The following RERE variants were observed in gnomAD, a reference collection of about 807,000 sequenced individuals.
RERE encodes arginine-glutamic acid dipeptide repeats.
A neutral mutation model predicts 146.1 loss-of-function variants in RERE; 40 were observed. The observed-to-expected ratio is 0.27, with a 90% CI of 0.21 to 0.36. RERE has a LOEUF of 0.36. Among genes scored for constraint, RERE ranks in the 10% least tolerant of loss-of-function variants. The pLI is 1.00. For missense variants in RERE, 1,933 were observed against 2,138.7 expected (o/e 0.90, Z 1.90); for synonymous variants, 1,003 against 866.0 (o/e 1.16, Z -2.78).
At position 8,497,388 on chromosome 1, in the gene RERE, G is replaced by A. The variant is rs1438988727; in HGVS notation, c.1004+17C>T. The A allele has an allele frequency of 1.2e-6, 2 of 1,613,930 alleles. No individual in the cohort carries two copies. The highest frequency in any genetic ancestry group is 1.1e-5 in the South Asian group (1 of 91,052). ...TGGTCTAATTCAGAAAGCAGGATGGGGGTAGATTCCTATTACCTTGCTGCC... is the reference window on the plus strand; with the variant it reads ...TGGTCTAATTCAGAAAGCAGGATGGAGGTAGATTCCTATTACCTTGCTGCC... On this transcript the variant is annotated intron_variant, in intron 9 of 22. Coordinates refer to ENST00000400908, the MANE Select transcript of RERE (RefSeq NM_001042681.2).
intron 1 of RERE, among the ~76,000 whole-genome samples, chr1:8,700,162 A>C (rs1639416895): frequency 6.6e-6 from 1 of 152,048 alleles, no homozygotes; most frequent in African/African-American, 2.4e-5. Context: ...AAAATTAGCC[A>C]GGCGTGGTGG....
intron 4 of RERE, among the ~76,000 whole-genome samples, chr1:8,570,588 C>T (rs561331365): frequency 3.0e-4 from 46 of 152,280 alleles, no homozygotes; most frequent in African/African-American, 9.6e-4. Flanking sequence ...CTATATCACA[C>T]ATCATTTAGC....
chr1:8,576,858 T>G (rs1173881562), intron 4 of RERE, among the ~76,000 whole-genome samples: 1 of 152,200 alleles, frequency 6.6e-6, no homozygotes, highest in Non-Finnish European at 1.5e-5. Context: ...TCTCCAGCAC[T>G]TATTGAAATT....
chr1:8,576,795 T>C (rs953139729), intron 4 of RERE, among the ~76,000 whole-genome samples: 2 of 152,220 alleles, frequency 1.3e-5, no homozygotes, highest in Middle Eastern at 3.2e-3. Context: ...AATTGTGTTA[T>C]AGAAAGAGTA....
chr1:8,589,271 C>A (rs1316259162), intron 4 of RERE, among the ~76,000 whole-genome samples: 1 of 152,072 alleles, frequency 6.6e-6, no homozygotes, highest in East Asian at 1.9e-4. Flanking sequence ...GAAACCTGGT[C>A]TCTACTAAAA....
Position 8,708,725 on chromosome 1 carries a change from C to T in RERE, c.-144-52284G>A, listed in dbSNP as rs141957033. ...ATGTGACTTGCTCTTCTTTGCCTTC[C>T]GCCTCCCCAGCCACGTGGAACTGTG... On this transcript the variant is annotated intron_variant, in intron 1 of 22. Transcript: ENST00000400908. Among the ~76,000 whole-genome samples the T allele has an allele frequency of 4.7e-3, 716 of 152,180 alleles. 7 individuals carry two copies. Among genetic ancestry groups the T allele is most frequent in the African/African-American group, 0.016 (682 of 41,512 alleles).
chr1:8,672,966 G>C (rs1347207494), intron 1 of RERE, among the ~76,000 whole-genome samples: 3 of 152,154 alleles, frequency 2.0e-5, no homozygotes, highest in African/African-American at 7.2e-5. Flanking sequence ...GCAGTAATTA[G>C]AATCGGAGGA....
chr1:8,630,095 A>G (rs1011331045), intron 2 of RERE, among the ~76,000 whole-genome samples: 1 of 152,210 alleles, frequency 6.6e-6, no homozygotes, highest in South Asian at 2.1e-4. Context: ...AATATTGCAG[A>G]ATAAAAAATC....
chr1:8,786,876 CT>C, intron 1 of RERE: 2 of 983,698 alleles, frequency 2.0e-6, no homozygotes, highest in South Asian at 1.3e-5. Flanking sequence ...AATTCCTTTG[CT>C]TTTTCTTAAG....
chr1:8,590,614 C>A (rs78097457), intron 4 of RERE, among the ~76,000 whole-genome samples: 3,156 of 152,278 alleles, frequency 0.021, 105 homozygotes, highest in African/African-American at 0.073. Flanking sequence ...ATTCTGGTAC[C>A]TATGCTGCTG....
intron 1 of RERE, among the ~76,000 whole-genome samples, chr1:8,709,395 C>T (rs78749527): frequency 0.014 from 2,136 of 151,998 alleles, 57 homozygotes; most frequent in African/African-American, 0.049. Context: ...GCTAAGATTA[C>T]GGGTGAGCCA....
intron 8 of RERE, among the ~76,000 whole-genome samples, chr1:8,502,849 C>T (rs893747317): frequency 8.7e-5 from 13 of 148,656 alleles, no homozygotes; most frequent in Non-Finnish European, 1.5e-4. Flanking sequence ...GGATTAAGGG[C>T]GGTGCAAGAT....
chr1:8,376,575 T>C (rs1642265448), intron 12 of RERE, among the ~76,000 whole-genome samples: 1 of 152,156 alleles, frequency 6.6e-6, no homozygotes, highest in Non-Finnish European at 1.5e-5. Context: ...CTACTTACCA[T>C]ACCTCACACC....
At chr1:8,659,354 C>T (rs527868406) in intron 1 of RERE, among the ~76,000 whole-genome samples, 1 of 152,330 alleles carries the variant, frequency 6.6e-6, no homozygotes, top group East Asian at 1.9e-4. Flanking sequence ...GTCAGGCGTT[C>T]GAAGCCATCC....
intron 12 of RERE, among the ~76,000 whole-genome samples, chr1:8,395,689 T>C (rs1643031223): frequency 6.6e-6 from 1 of 152,026 alleles, no homozygotes; most frequent in Non-Finnish European, 1.5e-5. Context: ...TGTAAACAGG[T>C]TAATTTCCTA....
chr1:8,594,204 A>C (rs1311059446), intron 4 of RERE, among the ~76,000 whole-genome samples: 1 of 152,216 alleles, frequency 6.6e-6, no homozygotes, highest in Non-Finnish European at 1.5e-5. Flanking sequence ...CTAAAAGGTT[A>C]AATAGCTTGT....
Position 8,423,809 on chromosome 1 carries a change from C to A in RERE, c.1204-1002G>T, listed in dbSNP as rs1189138006. 8.4e-5 allele frequency: 46 copies of A among 545,156 alleles called. No individual in the cohort carries two copies. The highest frequency in any genetic ancestry group is 1.1e-4 in the Non-Finnish European group (46 of 430,620). 33.8% of individuals were successfully genotyped at this position (545,156 alleles called of 1,614,324 possible). ...GGAGCGCGGCGCGCAGAGCCCGGCGCGGCCGCGGGCGGCTGCAAAAGGCGG... is the reference window on the plus strand; with the variant it reads ...GGAGCGCGGCGCGCAGAGCCCGGCGAGGCCGCGGGCGGCTGCAAAAGGCGG... On this transcript the variant is annotated intron_variant, in intron 11 of 22. Transcript: ENST00000400908. The surrounding 1 kb of genome is among the most constrained non-coding windows in gnomAD (Gnocchi z 5.4).
At chr1:8,730,694 A>G (rs1398502698) in intron 1 of RERE, among the ~76,000 whole-genome samples, 1 of 152,208 alleles carries the variant, frequency 6.6e-6, no homozygotes, top group Non-Finnish European at 1.5e-5. Flanking sequence ...GCTGGTGTAC[A>G]GTGGTGCAAT....
At chr1:8,472,433 A>T (rs1452338326) in intron 10 of RERE, among the ~76,000 whole-genome samples, 1 of 152,234 alleles carries the variant, frequency 6.6e-6, no homozygotes, top group East Asian at 1.9e-4. Flanking sequence ...TAATGTGAAT[A>T]AGATTTTCTA....
Sources: allele counts gnomAD v4.1 joint callset (sites outside exome capture counted in the v4.1 genomes callset), GRCh38; gene constraint gnomAD v4.1.1; non-coding constraint Gnocchi (gnomAD v3.1); transcripts MANE v1.5; gene names NCBI Gene and HGNC (gene_info 2026-07-23, HGNC 2026-07-21).